The following RHD variants were observed in gnomAD, a reference collection of about 807,000 sequenced individuals.
The protein encoded by RHD is blood group Rh(D) polypeptide.
Under a neutral mutation model 45.5 loss-of-function variants are expected in RHD, and 16 were observed. The observed-to-expected ratio is 0.35, with a 90% confidence interval of 0.24 to 0.53. The LOEUF (loss-of-function observed/expected upper bound fraction) is 0.53, where lower values mean the gene tolerates loss of function less well. Ranked by LOEUF, RHD falls within the 20% of genes least tolerant of loss-of-function variation. RHD has a pLI of 0.92. For missense variants in RHD, 306 were observed against 532.0 expected, an observed-to-expected ratio of 0.58 and a Z score of 4.18; for synonymous variants, 131 against 217.5, an observed-to-expected ratio of 0.60 and a Z score of 3.50.
chr1:25,309,178 T>C (rs150952004), intron 7 of RHD, among the ~76,000 whole-genome samples: 1,737 of 132,214 alleles, frequency 0.013, 281 homozygotes, highest in African/African-American at 0.042. Flanking sequence ...GCATATGTGA[T>C]TGAGTCAGAT....
intron 2 of RHD, 42 bp from the exon 3 acceptor site, chr1:25,290,599 T>A (rs1316433811): frequency 7.7e-7 from 1 of 1,302,070 alleles, no homozygotes. Context: ...GTGAGAGGCA[T>A]CCTTCCTTCT....
intron 5 of RHD, 74 bp from the exon 6 acceptor site, chr1:25,303,248 G>C: frequency 2.9e-6 from 3 of 1,043,990 alleles, no homozygotes; most frequent in South Asian, 1.3e-5. Context: ...TGTTCCCAGC[G>C]TGCTGGTCAC....
At chr1:25,311,379 G>C (rs1644137780) in intron 7 of RHD, among the ~76,000 whole-genome samples, 1 of 130,900 alleles carries the variant, frequency 7.6e-6, no homozygotes. Flanking sequence ...ACATAAATTA[G>C]CCAGGCGTGG....
At chr1:25,288,448 A>G (rs1246216426) in intron 2 of RHD, among the ~76,000 whole-genome samples, 1 of 128,242 alleles carries the variant, frequency 7.8e-6, no homozygotes, top group Non-Finnish European at 1.8e-5. Flanking sequence ...CCAAAGTGCG[A>G]AGATTACAGG....
intron 1 of RHD, among the ~76,000 whole-genome samples, chr1:25,276,532 T>TAAAAAAAAAAAAAAAAAAAG (rs1640998575): frequency 1.5e-5 from 1 of 64,786 alleles, no homozygotes; most frequent in African/African-American, 7.2e-5. Context: ...CCCCCATCTC[T>TAAAAAAAAAAAAAAAAAAAG]AAAAAAAAAA....
At chr1:25,304,922 A>C (rs1451446296) in intron 6 of RHD, 2 of 131,974 alleles carry the variant, frequency 1.5e-5, no homozygotes, top group African/African-American at 5.2e-5. Flanking sequence ...TGACTTCATC[A>C]CTGGCAGGAC....
chr1:25,304,622 A>G lies in RHD; in HGVS notation c.939+1163A>G, dbSNP rs536588151. On this transcript the variant is annotated intron_variant, in intron 6 of 9. Transcript: ENST00000328664. ...TAAAAAAAAAAAAAGTGGTTTATATACAGAGTGGAATATTATTTAGCCATA... is the reference window on the plus strand; with the variant it reads ...TAAAAAAAAAAAAAGTGGTTTATATGCAGAGTGGAATATTATTTAGCCATA... 34 of 131,130 alleles carry G rather than the reference A, an allele frequency of 2.6e-4. 5 individuals carry two copies. The highest frequency in any genetic ancestry group is 8.1e-4 in the African/African-American group (31 of 38,156). 8.1% of individuals were successfully genotyped at this position (131,130 alleles called of 1,614,324 possible).
At chr1:25,303,564 G>A (rs1472145798) in intron 6 of RHD, 105 bp downstream of exon 6, 11 of 1,154,342 alleles carry the variant, frequency 9.5e-6, no homozygotes, top group East Asian at 4.6e-5. Context: ...GGCAGGTGTC[G>A]GCGCATTCTC....
At chr1:25,314,516 CAG>C (rs1343562742) in intron 7 of RHD, among the ~76,000 whole-genome samples, 1 of 132,336 alleles carries the variant, frequency 7.6e-6, no homozygotes, top group Non-Finnish European at 1.8e-5. Context: ...CTTTTTGAAA[CAG>C]AGTCTCCTTC....
At position 25,283,033 on chromosome 1, in the gene RHD, T is replaced by A. The variant is rs539315086; in HGVS notation, c.149-1540T>A. On this transcript the variant is annotated intron_variant, in intron 1 of 9. Transcript: ENST00000328664. Reference sequence around the variant, plus strand: ...GATCTCTCTCTCTCCAGTCATTTATTCATGTGCGAAAACAGTTGGTGATTA... The same window carrying A: ...GATCTCTCTCTCTCCAGTCATTTATACATGTGCGAAAACAGTTGGTGATTA... 2.5e-4 allele frequency among the ~76,000 whole-genome samples: 34 copies of A among 133,512 alleles called. 9 individuals are homozygous for A. The highest frequency in any genetic ancestry group is 6.8e-4 in the South Asian group (3 of 4,404). 87.6% of individuals were successfully genotyped at this position (133,512 alleles called of 152,430 possible).
rs1487408956 is a variant in RHD, at chr1:25,276,188, G to GTTTTTTT, written c.148+3495_148+3496insTTTTTTT. On this transcript the variant is annotated intron_variant, in intron 1 of 9. Transcript: ENST00000328664. Reference sequence around the variant, plus strand: ...GTTAGGTATGATAAAAGCATGGTGGGTTGTTTTTGTTTTTGTTTTTTAAGT... The same window carrying GTTTTTTT: ...GTTAGGTATGATAAAAGCATGGTGGGTTTTTTTTTGTTTTTGTTTTTGTTTTTTAAGT... Among the ~76,000 whole-genome samples the GTTTTTTT allele has an allele frequency of 5.3e-4, 70 of 130,994 alleles. 7 individuals are homozygous for GTTTTTTT. Among genetic ancestry groups the GTTTTTTT allele is most frequent in the African/African-American group, 1.8e-3 (68 of 38,374 alleles). The allele number at this position is 130,994 out of a possible 152,430, so 85.9% of individuals were successfully genotyped here.
chr1:25,320,870 T>G (rs111998205), intron 8 of RHD, among the ~76,000 whole-genome samples: 1 of 130,192 alleles, frequency 7.7e-6, no homozygotes, highest in Non-Finnish European at 1.8e-5. Flanking sequence ...GGCTAAGTCC[T>G]GTCTCTGCAA....
At chr1:25,284,523 A>C in intron 1 of RHD, 50 bp from the exon 2 acceptor site, 2 of 1,356,172 alleles carry the variant, frequency 1.5e-6, no homozygotes, top group East Asian at 4.5e-5. Flanking sequence ...TACCACCCTA[A>C]ATCTCGTCTG....
In RHD at chr1:25,290,685, T is replaced by C. The variant is rs201703675; in HGVS notation, c.380T>C (p.Val127Ala). 80 of 1,378,276 alleles carry C rather than the reference T, an allele frequency of 5.8e-5. 15 individuals carry two copies. The highest frequency in any genetic ancestry group is 1.8e-4 in the Admixed American group (10 of 55,976). 85.4% of individuals were successfully genotyped at this position (1,378,276 alleles called of 1,614,324 possible). A position where few individuals can be genotyped will look rare whatever the true frequency, so the allele number is the denominator to read the frequency against. Residue 127 changes from valine (V) to alanine (A), a missense_variant, in exon 3 of 10, where the codon GTG (valine) becomes GCG (alanine). By Grantham distance (64) the Val-to-Ala change is moderately conservative. Coordinates refer to ENST00000328664, the MANE Select transcript of RHD (RefSeq NM_016124.6). ...AGTGCTTTGTCGGTGCTGATCTCAG[T>C]GGATGCTGTCTTGGGGAAGGTCAAC... ...TMSALSVLIS[V>A]DAVLGKVNLA...
At chr1:25,305,577 A>ATTT (rs1372363120) in intron 6 of RHD, among the ~76,000 whole-genome samples, 9 of 110,520 alleles carry the variant, frequency 8.1e-5, no homozygotes, top group African/African-American at 2.9e-4. Context: ...TCGTGTGTGT[A>ATTT]TGTATTTTGT....
Position 25,278,322 on chromosome 1 carries a change from G to A in RHD, c.148+5627G>A, listed in dbSNP as rs1361203735. On this transcript the variant is annotated intron_variant, in intron 1 of 9. Coordinates refer to ENST00000328664, the MANE Select transcript of RHD (RefSeq NM_016124.6). ...ATGAACAATGATATGTTCATTCTGG[G>A]CTTGGAGTTAAGGGGCCTATGATAT... Among the ~76,000 whole-genome samples the A allele has an allele frequency of 1.5e-5, 2 of 130,320 alleles. 1 individual carries two copies. The highest frequency in any genetic ancestry group is 3.6e-5 in the Non-Finnish European group (2 of 55,084). 85.5% of individuals were successfully genotyped at this position (130,320 alleles called of 152,430 possible). A position where few individuals can be genotyped will look rare whatever the true frequency, so the allele number is the denominator to read the frequency against.
chr1:25,295,686 G>A lies in RHD; in HGVS notation c.486+4895G>A, dbSNP rs547611920. Among the ~76,000 whole-genome samples the A allele has an allele frequency of 1.8e-3, 197 of 107,408 alleles. 58 individuals carry two copies. The highest frequency in any genetic ancestry group is 3.7e-3 in the Non-Finnish European group (163 of 44,638). 70.5% of individuals were successfully genotyped at this position (107,408 alleles called of 152,430 possible). ...TAAGATCATTTGTGGAAGAATGATG[G>A]AGAGAAAGGCTGAAGGGCAGGGGCT... On this transcript the variant is annotated intron_variant, in intron 3 of 9. Transcript: ENST00000328664.
At position 25,290,803 on chromosome 1, in the gene RHD, T is replaced by C. The variant is rs1171570890; in HGVS notation, c.486+12T>C. On this transcript the variant is annotated intron_variant, in intron 3 of 9. Transcript: ENST00000328664. ...GTAATATCTTCAACGTGAGTCATGG[T>C]GCTGGGAGGAGGGACCTGGGAGAAA... The C allele has an allele frequency of 7.3e-7, 1 of 1,376,174 alleles. No homozygotes were observed. Among genetic ancestry groups the C allele is most frequent in the African/African-American group, 1.4e-5 (1 of 70,006 alleles). 85.2% of individuals were successfully genotyped at this position (1,376,174 alleles called of 1,614,324 possible). A position where few individuals can be genotyped will look rare whatever the true frequency, so the allele number is the denominator to read the frequency against.
chr1:25,301,704 C>G lies in RHD; in HGVS notation c.801+18C>G, dbSNP rs775406000. 1 of 1,374,608 alleles carries G rather than the reference C, an allele frequency of 7.3e-7. No homozygotes were observed. Among genetic ancestry groups the G allele is most frequent in the Non-Finnish European group, 1.0e-6 (1 of 974,794 alleles). The allele number at this position is 1,374,608 out of a possible 1,614,324, so 85.2% of individuals were successfully genotyped here. A position where few individuals can be genotyped will look rare whatever the true frequency, so the allele number is the denominator to read the frequency against. Reference sequence around the variant, plus strand: ...TCAGCAAGGTGAGCAGGGCGCTGCCCTTGGGCAGCACTTGGGTCTAACAGG... The same window carrying G: ...TCAGCAAGGTGAGCAGGGCGCTGCCGTTGGGCAGCACTTGGGTCTAACAGG... On this transcript the variant is annotated intron_variant, in intron 5 of 9. Transcript: ENST00000328664.
Sources: allele counts gnomAD v4.1 joint callset (sites outside exome capture counted in the v4.1 genomes callset), GRCh38; gene constraint gnomAD v4.1.1; transcripts MANE v1.5; gene names NCBI Gene and HGNC (gene_info 2026-07-23, HGNC 2026-07-21).